LOC728743: variants seen among roughly 807,000 people sequenced by gnomAD.
the LOC728743 span, chr7:150,408,410 G>T: frequency 2.8e-6 from 1 of 358,242 alleles, no homozygotes. Context: ...CCTCCCTCGG[G>T]ACCCTCTGGC....
the LOC728743 span, chr7:150,405,973 T>A: frequency 1.3e-5 from 2 of 152,540 alleles, no homozygotes; most frequent in East Asian, 1.9e-4. Context: ...AGGCGGGGCC[T>A]CAGTCAGGGG....
the LOC728743 span, among the ~76,000 whole-genome samples, chr7:150,402,892 CT>C: frequency 6.6e-6 from 1 of 152,148 alleles, no homozygotes; most frequent in Non-Finnish European, 1.5e-5. Context: ...CAGGGTTCAC[CT>C]GAGCTACACG....
chr7:150,403,370 G>A, the LOC728743 span, among the ~76,000 whole-genome samples: 29 of 152,304 alleles, frequency 1.9e-4, no homozygotes, highest in Admixed American at 9.8e-4. The surrounding 1 kb of genome is among the most constrained non-coding windows in gnomAD (Gnocchi z 5.1). Flanking sequence ...TCCCCTAGCC[G>A]TGTTCTTTTC....
chr7:150,406,971 A>G, the LOC728743 span, among the ~76,000 whole-genome samples: 3 of 152,180 alleles, frequency 2.0e-5, no homozygotes, highest in Non-Finnish European at 4.4e-5. Flanking sequence ...TCCTGTTTTA[A>G]GCTTCACAAA....
At chr7:150,408,226 C>T in the LOC728743 span, 123 of 390,182 alleles carry the variant, frequency 3.2e-4, 1 homozygote, top group Non-Finnish European at 5.0e-4. Flanking sequence ...TGCTATGATG[C>T]GCCCGGGGCC....
chr7:150,402,823 G>A, the LOC728743 span, among the ~76,000 whole-genome samples: 2 of 152,180 alleles, frequency 1.3e-5, no homozygotes, highest in African/African-American at 2.4e-5. Context: ...GGAGGCCCAT[G>A]GGGTGATCTG....
the LOC728743 span, among the ~76,000 whole-genome samples, chr7:150,401,460 C>T: frequency 6.6e-6 from 1 of 152,210 alleles, no homozygotes; most frequent in Non-Finnish European, 1.5e-5. Flanking sequence ...GATGTGAAAC[C>T]TTTTGTTACT....
chr7:150,402,455 T>G, the LOC728743 span, among the ~76,000 whole-genome samples: 1 of 152,242 alleles, frequency 6.6e-6, no homozygotes, highest in Non-Finnish European at 1.5e-5. Flanking sequence ...ATCTTTTCTC[T>G]CTGCGCCGCC....
the LOC728743 span, chr7:150,405,440 AG>A: frequency 2.6e-5 from 4 of 151,424 alleles, no homozygotes; most frequent in African/African-American, 4.8e-5. Context: ...GGTCCCGCGC[AG>A]GTCCTTTCCG....
chr7:150,409,140 A>AGT, the LOC728743 span, among the ~76,000 whole-genome samples: 6 of 112,030 alleles, frequency 5.4e-5, no homozygotes, highest in African/African-American at 2.1e-4. Flanking sequence ...GGTGTTTTCA[A>AGT]GGGAGGGGGG....
chr7:150,402,811 G>A, the LOC728743 span, among the ~76,000 whole-genome samples: 3 of 152,178 alleles, frequency 2.0e-5, no homozygotes, highest in Admixed American at 1.3e-4. Context: ...GAGCTGCCCC[G>A]AGGAGGCCCA....
At chr7:150,400,873 C>G in the LOC728743 span, 1 of 152,236 alleles carries the variant, frequency 6.6e-6, no homozygotes, top group Non-Finnish European at 1.5e-5. Context: ...CCAAAATACT[C>G]TGGAGCATGC....
the LOC728743 span, among the ~76,000 whole-genome samples, chr7:150,409,547 G>T: frequency 2.0e-5 from 3 of 152,122 alleles, no homozygotes; most frequent in African/African-American, 7.2e-5. Flanking sequence ...GGTACTTAGG[G>T]GTACAACAGG....
At chr7:150,403,779 G>A in the LOC728743 span, among the ~76,000 whole-genome samples, 9 of 152,324 alleles carry the variant, frequency 5.9e-5, no homozygotes, top group Non-Finnish European at 2.9e-5. The surrounding 1 kb of genome is among the most constrained non-coding windows in gnomAD (Gnocchi z 5.1). Flanking sequence ...GTCTCCAGGA[G>A]CAGTGAAGGG....
the LOC728743 span, among the ~76,000 whole-genome samples, chr7:150,407,333 G>A: frequency 6.6e-6 from 1 of 152,180 alleles, no homozygotes; most frequent in African/African-American, 2.4e-5. Flanking sequence ...GGGGTGGAAA[G>A]GTCAGGGAAG....
the LOC728743 span, chr7:150,410,311 GGT>G: frequency 5.0e-6 from 2 of 397,212 alleles, no homozygotes; most frequent in African/African-American, 4.1e-5. Flanking sequence ...GGTGCACTGC[GGT>G]GACCAGTGGA....
chr7:150,403,545 A>G, the LOC728743 span, among the ~76,000 whole-genome samples: 6 of 152,244 alleles, frequency 3.9e-5, no homozygotes, highest in Non-Finnish European at 8.8e-5. The surrounding 1 kb of genome is among the most constrained non-coding windows in gnomAD (Gnocchi z 5.1). Flanking sequence ...GGCAGGTGAC[A>G]GCAGGGGCTG....
the LOC728743 span, chr7:150,408,111 T>C: frequency 7.9e-6 from 3 of 381,510 alleles, no homozygotes; most frequent in Non-Finnish European, 1.4e-5. Flanking sequence ...CGGCCCTACT[T>C]CTGCCCCCGC....
At chr7:150,406,574 G>A in the LOC728743 span, among the ~76,000 whole-genome samples, 1 of 152,162 alleles carries the variant, frequency 6.6e-6, no homozygotes, top group South Asian at 2.1e-4. Context: ...CAAGTATGTT[G>A]ACCTCACTGA....
Sources: allele counts gnomAD v4.1 joint callset (sites outside exome capture counted in the v4.1 genomes callset), GRCh38; gene constraint gnomAD v4.1.1; non-coding constraint Gnocchi (gnomAD v3.1); transcripts MANE v1.5.